The following SLC18A2 variants were observed in gnomAD, a reference collection of about 807,000 sequenced individuals.
SLC18A2 encodes the protein solute carrier family 18 member A2.
SLC18A2 carries 33 observed loss-of-function variants against 59.2 expected under a neutral mutation model. That is an observed-to-expected ratio of 0.56 (90% CI 0.42 to 0.75). The LOEUF is 0.75. SLC18A2 is among the 30% of genes least tolerant of loss of function. The pLI is 0.00. For missense variants in SLC18A2, 569 were observed against 668.6 expected, an observed-to-expected ratio of 0.85 and a Z score of 1.64; for synonymous variants, 228 against 253.5, an observed-to-expected ratio of 0.90 and a Z score of 0.95.
chr10:117,278,738 G>A lies in SLC18A2; in HGVS notation c.*1472G>A, dbSNP rs902087041. The A allele has an allele frequency of 1.3e-5, 2 of 152,178 alleles. No individual in the cohort carries two copies. Among genetic ancestry groups the A allele is most frequent in the Non-Finnish European group, 2.9e-5 (2 of 68,032 alleles). The allele number at this position is 152,178 out of a possible 1,614,324, so 9.4% of individuals were successfully genotyped here. Reference sequence around the variant, plus strand: ...TTATTCTCTAGGAAAGTAACACTTCGTTTCATGAAGCTTTTCTGTGGGGCT... The same window carrying A: ...TTATTCTCTAGGAAAGTAACACTTCATTTCATGAAGCTTTTCTGTGGGGCT... On this transcript the variant is annotated 3_prime_UTR_variant, in exon 16 of 16. Coordinates refer to ENST00000644641, the MANE Select transcript of SLC18A2 (RefSeq NM_003054.6).
rs1844523330 is a variant in SLC18A2, at chr10:117,277,987, A to G, written c.*721A>G. 6.6e-6 allele frequency: 1 copy of G among 152,226 alleles called. No individual in the cohort carries two copies. The highest frequency in any genetic ancestry group is 1.5e-5 in the Non-Finnish European group (1 of 68,042). The allele number at this position is 152,226 out of a possible 1,614,324, so 9.4% of individuals were successfully genotyped here. ...CAGTAAATGTTCCGAAAGCAGAGAA[A>G]AGCAACCAAACATATTGTTATGAAC... On this transcript the variant is annotated 3_prime_UTR_variant, in exon 16 of 16. Transcript: ENST00000644641.
chr10:117,249,985 G>A (rs1486624399), intron 3 of SLC18A2, among the ~76,000 whole-genome samples: 2 of 152,182 alleles, frequency 1.3e-5, no homozygotes, highest in African/African-American at 4.8e-5. Context: ...GGGCAACTCA[G>A]ACACAGATTG....
chr10:117,242,332 T>C (rs1373856372), intron 2 of SLC18A2, among the ~76,000 whole-genome samples: 1 of 152,232 alleles, frequency 6.6e-6, no homozygotes, highest in African/African-American at 2.4e-5. Context: ...TGAACAATCT[T>C]GGTTCTATTA....
chr10:117,274,790 C>A (rs1844466369), intron 15 of SLC18A2, among the ~76,000 whole-genome samples: 2 of 152,186 alleles, frequency 1.3e-5, no homozygotes, highest in Admixed American at 6.5e-5. Flanking sequence ...GTGAGCACTC[C>A]ACCTGGGACC....
chr10:117,258,929 G>A (rs1844260186), intron 10 of SLC18A2, among the ~76,000 whole-genome samples: 1 of 152,052 alleles, frequency 6.6e-6, no homozygotes. Context: ...ACCACACCTG[G>A]CTAATGACAC....
intron 9 of SLC18A2, among the ~76,000 whole-genome samples, chr10:117,256,381 A>G (rs1844230641): frequency 6.6e-6 from 1 of 152,122 alleles, no homozygotes; most frequent in African/African-American, 2.4e-5. Flanking sequence ...GTACCAAGGT[A>G]AGCAGACCCT....
chr10:117,261,126 G>C (rs1450787701), intron 10 of SLC18A2, among the ~76,000 whole-genome samples: 1 of 152,138 alleles, frequency 6.6e-6, no homozygotes, highest in Non-Finnish European at 1.5e-5. Context: ...GGGAGGCCGA[G>C]GCAGGTGGAT....
In SLC18A2 at chr10:117,255,991, G is replaced by T. The variant is rs74159132; in HGVS notation, c.895+334G>T. Among the ~76,000 whole-genome samples the T allele has an allele frequency of 3.5e-3, 535 of 152,256 alleles. 5 individuals carry two copies. Among genetic ancestry groups the T allele is most frequent in the African/African-American group, 0.013 (525 of 41,550 alleles). ...TGTGTTTGTATGGAAGGCCATCATT[G>T]TTTGGCCTTGAACTTTCCGGAAGGA... On this transcript the variant is annotated intron_variant, in intron 9 of 15. Transcript: ENST00000644641.
In SLC18A2 at chr10:117,256,323, G is replaced by T. The variant is rs74159134; in HGVS notation, c.895+666G>T. On this transcript the variant is annotated intron_variant, in intron 9 of 15. Transcript: ENST00000644641. ...GAGGCTGCCTGCTTTGCCAGGCCCC[G>T]GGCTGCCTAACCAGGGACCAGCCTT... Among the ~76,000 whole-genome samples, 12 of 152,282 alleles carry T rather than the reference G, an allele frequency of 7.9e-5. 1 individual carries two copies. Among genetic ancestry groups the T allele is most frequent in the African/African-American group, 2.9e-4 (12 of 41,556 alleles).
chr10:117,243,338 G>A (rs1336478412), intron 2 of SLC18A2, among the ~76,000 whole-genome samples: 1 of 152,164 alleles, frequency 6.6e-6, no homozygotes, highest in Non-Finnish European at 1.5e-5. Context: ...TTCCTTGAAG[G>A]AACAATGTGG....
At position 117,254,432 on chromosome 10, in the gene SLC18A2, C is replaced by T. The variant is rs1213141586; in HGVS notation, c.635C>T (p.Thr212Ile). 2.5e-6 allele frequency: 4 copies of T among 1,608,256 alleles called. No individual in the cohort carries two copies. Among genetic ancestry groups the T allele is most frequent in the East Asian group, 2.2e-5 (1 of 44,834 alleles). The change falls in exon 6 of 16, where the codon ACA becomes ATA. Residue 212 changes from threonine (T) to isoleucine (I), a missense_variant. Around this residue, in one of 2 missense-constraint regions of SLC18A2, gnomAD observed 377 missense variants for 389.8 expected, o/e 0.97. Transcript: ENST00000644641. ...AGMGMLASVYTDDEERGNVMG... is the reference protein window; with the variant it reads ...AGMGMLASVYIDDEERGNVMG... ...ATGGGCATGCTTGCCAGTGTCTACA[C>T]AGATGATGAAGAGAGAGGCAACGTC...
intron 2 of SLC18A2, 29 bp downstream of exon 2, chr10:117,241,843 G>T (rs1242269882): frequency 6.3e-7 from 1 of 1,579,844 alleles, no homozygotes; most frequent in Non-Finnish European, 8.6e-7. Flanking sequence ...CCCCTGCCCC[G>T]GCACCCCAGC....
chr10:117,276,441 A>T (rs973746834), intron 15 of SLC18A2, among the ~76,000 whole-genome samples: 1 of 151,598 alleles, frequency 6.6e-6, no homozygotes, highest in Admixed American at 6.6e-5. Flanking sequence ...GTGAAACCCC[A>T]TCTCTACTAG....
chr10:117,275,924 CAT>C (rs1011434949), intron 15 of SLC18A2, among the ~76,000 whole-genome samples: 3 of 152,024 alleles, frequency 2.0e-5, no homozygotes, highest in Non-Finnish European at 2.9e-5. Flanking sequence ...CAGGAAATCA[CAT>C]GTGTGAAAAA....
intron 3 of SLC18A2, among the ~76,000 whole-genome samples, chr10:117,249,888 T>C (rs932656506): frequency 5.3e-5 from 8 of 152,200 alleles, no homozygotes; most frequent in African/African-American, 1.9e-4. Flanking sequence ...CGTGGGCCAG[T>C]ATGACATTTG....
intron 5 of SLC18A2, 29 bp from the exon 6 acceptor site, chr10:117,254,376 G>A: frequency 6.5e-7 from 1 of 1,535,660 alleles, no homozygotes; most frequent in African/African-American, 1.4e-5. Context: ...CCCGGAGCTG[G>A]CCTGTTGACT....
At chr10:117,261,370 C>T (rs375526264) in intron 10 of SLC18A2, among the ~76,000 whole-genome samples, 11 of 152,128 alleles carry the variant, frequency 7.2e-5, no homozygotes, top group East Asian at 3.9e-4. Flanking sequence ...TGCAATGGCG[C>T]GATCTTGGCT....
At position 117,269,985 on chromosome 10, in the gene SLC18A2, G is replaced by C; in HGVS notation, c.1187-86G>C. 1 of 1,513,316 alleles carries C rather than the reference G, an allele frequency of 6.6e-7. No homozygotes were observed. 93.7% of individuals were successfully genotyped at this position (1,513,316 alleles called of 1,614,324 possible). On this transcript the variant is annotated intron_variant, in intron 13 of 15. Transcript: ENST00000644641. The surrounding 1 kb of genome is among the most constrained non-coding windows in gnomAD (Gnocchi z 5.1). ...CAGAAGGGGAAGAGCTGGCAGGGTG[G>C]TGAGTTTAAGACACACTCCCTGATA...
intron 12 of SLC18A2, chr10:117,267,245 T>A (rs1360910041): frequency 3.6e-6 from 2 of 560,688 alleles, no homozygotes; most frequent in African/African-American, 3.8e-5. Flanking sequence ...TTATTTAAAA[T>A]GTTTTATTTC....
Sources: gnomAD v4.1 joint callset for allele counts (sites outside exome capture counted in the v4.1 genomes callset) on GRCh38, gnomAD v4.1.1 for gene constraint, gnomAD v4.1.1 regional missense constraint, Gnocchi (gnomAD v3.1) non-coding constraint, MANE v1.5 for transcripts, NCBI Gene and HGNC (gene_info 2026-07-23, HGNC 2026-07-21) for gene names.